KLHL5: variants seen among roughly 807,000 people sequenced by gnomAD.
KLHL5 encodes the protein kelch-like protein 5.
Under a neutral mutation model 77.7 loss-of-function variants are expected in KLHL5, and 48 were observed. The ratio of observed to expected loss-of-function variants is 0.62; its 90% confidence interval spans 0.49 to 0.79. The LOEUF (loss-of-function observed/expected upper bound fraction) is 0.79, where lower values mean the gene tolerates loss of function less well. Among genes scored for constraint, KLHL5 ranks in the 30% least tolerant of loss-of-function variants. The pLI, the probability that KLHL5 is intolerant of heterozygous loss-of-function variation, is 0.00. For missense variants in KLHL5, 723 were observed against 859.7 expected (o/e 0.84, Z 1.99); for synonymous variants, 260 against 297.0 (o/e 0.88, Z 1.28).
chr4:39,108,006 C>A (rs1477730316), intron 8 of KLHL5, among the ~76,000 whole-genome samples: 1 of 150,956 alleles, frequency 6.6e-6, no homozygotes, highest in Non-Finnish European at 1.5e-5. Context: ...CTATAAAAAT[C>A]TGGTATATCT....
Position 39,086,669 on chromosome 4 carries a change from G to A in KLHL5, c.1055G>A (p.Arg352Lys). 1 of 1,613,960 alleles carries A rather than the reference G, an allele frequency of 6.2e-7. No homozygotes were observed. Among genetic ancestry groups the A allele is most frequent in the South Asian group, 1.1e-5 (1 of 91,084 alleles). ...LTWVRHDLEQ[R>K]RKDLSKLLAY... ...TGGGTCCGTCATGATTTGGAACAGA[G>A]ACGGAAAGATCTAAGTAAACTTTTG... is the stretch of plus-strand genomic sequence containing the variant. The change falls in exon 5 of 11, where the codon AGA becomes AAA. Residue 352 changes from arginine to lysine, a missense_variant. Physicochemically the swap from Arg to Lys is conservative, Grantham distance 26. Transcript: ENST00000504108.
chr4:39,052,880 C>G (rs775390952), intron 1 of KLHL5, among the ~76,000 whole-genome samples: 8 of 152,182 alleles, frequency 5.3e-5, no homozygotes, highest in Non-Finnish European at 1.2e-4. Flanking sequence ...GAGGACTACT[C>G]TGAAGTGCCT....
chr4:39,078,913 T>G (rs949635026), intron 2 of KLHL5, among the ~76,000 whole-genome samples: 4 of 151,528 alleles, frequency 2.6e-5, no homozygotes, highest in African/African-American at 9.7e-5. Context: ...AAATAAAAAA[T>G]AAAAAAACCT....
the KLHL5 span, among the ~76,000 whole-genome samples, chr4:39,141,285 G>A: frequency 4.8e-5 from 7 of 146,288 alleles, no homozygotes; most frequent in East Asian, 2.0e-4. Flanking sequence ...CTTCATTCCC[G>A]CCTTCATTAT....
At chr4:39,114,294 TCGGCATTCAAAAATGC>T (rs1722676869) in intron 9 of KLHL5, among the ~76,000 whole-genome samples, 1 of 152,174 alleles carries the variant, frequency 6.6e-6, no homozygotes, top group African/African-American at 2.4e-5. Flanking sequence ...GAAGGGAAAG[TCGGCATTCAAAAATGC>T]AAAGCAACTT....
At chr4:39,128,533 T>G (rs1723657038), downstream of KLHL5, among the ~76,000 whole-genome samples, 1 of 152,216 alleles carries the variant, frequency 6.6e-6, no homozygotes, top group African/African-American at 2.4e-5. Context: ...ATTTTATCAT[T>G]ACAGTTTGTA....
chr4:39,049,174 A>G lies in KLHL5; in HGVS notation c.-95+4078A>G, dbSNP rs149500877. Among the ~76,000 whole-genome samples the G allele has an allele frequency of 2.4e-3, 372 of 152,314 alleles. 1 individual carries two copies. Among genetic ancestry groups the G allele is most frequent in the African/African-American group, 8.3e-3 (345 of 41,562 alleles). ...AATCTAAATAAATCAAAAGCCAAAT[A>G]TGTCAGTACAGTATTCTATTTAGAA... On this transcript the variant is annotated intron_variant, in intron 1 of 11. Transcript: ENST00000261425.
At chr4:39,068,368 A>G (rs1209714951) in intron 1 of KLHL5, among the ~76,000 whole-genome samples, 1 of 152,094 alleles carries the variant, frequency 6.6e-6, no homozygotes, top group Admixed American at 6.6e-5. Context: ...TCTCACATAT[A>G]TGCCCACATC....
chr4:39,077,904 G>A (rs1444454350), intron 2 of KLHL5, among the ~76,000 whole-genome samples: 2 of 152,092 alleles, frequency 1.3e-5, no homozygotes, highest in African/African-American at 4.8e-5. Context: ...GGTGGATAAA[G>A]AAAATGTGGT....
chr4:39,073,073 T>G (rs1718640447), intron 1 of KLHL5, among the ~76,000 whole-genome samples: 1 of 152,202 alleles, frequency 6.6e-6, no homozygotes, highest in Admixed American at 6.5e-5. Context: ...TATATATAAT[T>G]GTTATTTGTC....
At chr4:39,101,977 C>CAT (rs10565740) in intron 6 of KLHL5, among the ~76,000 whole-genome samples, 2,380 of 145,778 alleles carry the variant, frequency 0.016, 20 homozygotes, top group Middle Eastern at 0.04. Flanking sequence ...TATATGTATA[C>CAT]ATATATATAT....
intron 8 of KLHL5, among the ~76,000 whole-genome samples, chr4:39,112,125 T>A (rs191358394): frequency 2.1e-3 from 323 of 152,256 alleles, no homozygotes; most frequent in African/African-American, 7.2e-3. Flanking sequence ...TACAAGAAGA[T>A]TTTTGCTTAA....
Position 39,122,827 on chromosome 4 carries a change from A to AT in KLHL5, c.*1761_*1762insT, listed in dbSNP as rs113524846. Among the ~76,000 whole-genome samples the AT allele has an allele frequency of 7.3e-5, 11 of 151,636 alleles. No individual in the cohort carries two copies. Among genetic ancestry groups the AT allele is most frequent in the African/African-American group, 2.4e-4 (10 of 41,296 alleles). ...GACTCCATCAAAAAAAAATAAATAA[A>AT]AAAAAAATAAAAGATTTCATTTTAT... On this transcript the variant is annotated 3_prime_UTR_variant, in exon 11 of 11. Transcript: ENST00000504108.
At position 39,081,533 on chromosome 4, in the gene KLHL5, T is replaced by C. The variant is rs1459953058; in HGVS notation, c.703+294T>C. On this transcript the variant is annotated intron_variant, in intron 3 of 10. Coordinates refer to ENST00000504108, the MANE Select transcript of KLHL5 (RefSeq NM_015990.5). The surrounding 1 kb of genome is among the most constrained non-coding windows in gnomAD (Gnocchi z 4.3). ...TTGAGAGTTGGCCAGGTGCAGTGGC[T>C]TATGCCTGTAAATCCCAGCACTTCG... Among the ~76,000 whole-genome samples, 1 of 152,116 alleles carries C rather than the reference T, an allele frequency of 6.6e-6. No homozygotes were observed. The highest frequency in any genetic ancestry group is 1.5e-5 in the Non-Finnish European group (1 of 68,032).
the KLHL5 span, among the ~76,000 whole-genome samples, chr4:39,132,618 A>T: frequency 6.6e-6 from 1 of 152,112 alleles, no homozygotes; most frequent in Admixed American, 6.5e-5. Flanking sequence ...AAAGAAAAAA[A>T]AAAAAGAAAG....
At chr4:39,133,691 C>A in the KLHL5 span, among the ~76,000 whole-genome samples, 1 of 151,502 alleles carries the variant, frequency 6.6e-6, no homozygotes, top group East Asian at 1.9e-4. Context: ...GAAAAATGCC[C>A]AATATAATAT....
intron 9 of KLHL5, among the ~76,000 whole-genome samples, chr4:39,113,521 G>A (rs1419436679): frequency 6.6e-6 from 1 of 152,132 alleles, no homozygotes; most frequent in Admixed American, 6.6e-5. Context: ...AAGGGCTGTA[G>A]ACTAAATAAA....
chr4:39,089,901 C>T (rs1304158998), intron 5 of KLHL5, among the ~76,000 whole-genome samples: 1 of 152,306 alleles, frequency 6.6e-6, no homozygotes, highest in Admixed American at 6.5e-5. Flanking sequence ...GCCACATTGC[C>T]TTGTATAATT....
chr4:39,067,841 TA>T (rs1297528698), intron 1 of KLHL5, among the ~76,000 whole-genome samples: 1 of 151,826 alleles, frequency 6.6e-6, no homozygotes, highest in Non-Finnish European at 1.5e-5. Flanking sequence ...CCACCATGCC[TA>T]GCTAATTTTT....
Sources: gnomAD v4.1 joint callset for allele counts (sites outside exome capture counted in the v4.1 genomes callset) on GRCh38, gnomAD v4.1.1 for gene constraint, Gnocchi (gnomAD v3.1) non-coding constraint, MANE v1.5 for transcripts, NCBI Gene and HGNC (gene_info 2026-07-23, HGNC 2026-07-21) for gene names.